FAM53B: variants seen among roughly 807,000 people sequenced by gnomAD.
FAM53B encodes the protein protein FAM53B.
Under a neutral mutation model 32.7 loss-of-function variants are expected in FAM53B, and 12 were observed. That is an observed-to-expected ratio of 0.37 (90% CI 0.24 to 0.59). The LOEUF is 0.59. Ranked by LOEUF, FAM53B falls within the 20% of genes least tolerant of loss-of-function variation. FAM53B has a pLI of 0.72. For synonymous variants in FAM53B, 234 were observed against 228.7 expected (o/e 1.02, Z -0.21); for missense variants, 477 against 577.7 (o/e 0.83, Z 1.79).
chr10:124,681,458 C>A, intron 4 of FAM53B, 149 bp downstream of exon 4: 2 of 699,990 alleles, frequency 2.9e-6, no homozygotes, highest in Non-Finnish European at 4.7e-6. Flanking sequence ...TGGAAATAAT[C>A]TTTCTTTGAA....
At chr10:124,684,715 C>T (rs1380179671) in intron 3 of FAM53B, among the ~76,000 whole-genome samples, 2 of 152,096 alleles carry the variant, frequency 1.3e-5, no homozygotes, top group African/African-American at 4.8e-5. Context: ...CATGGGGTTT[C>T]ACCATGTTGG....
intron 3 of FAM53B, among the ~76,000 whole-genome samples, chr10:124,686,298 GAA>G (rs1781559567): frequency 6.6e-6 from 1 of 152,208 alleles, no homozygotes; most frequent in Admixed American, 6.5e-5. Context: ...GCTGGGTGAT[GAA>G]TTCCTACAGG....
intron 4 of FAM53B, among the ~76,000 whole-genome samples, chr10:124,676,970 T>C (rs1003803287): frequency 6.6e-6 from 1 of 152,198 alleles, no homozygotes; most frequent in African/African-American, 2.4e-5. Context: ...ATCAAACCTC[T>C]GTTTCGACAT....
chr10:124,672,847 G>A (rs1052833922), intron 4 of FAM53B, among the ~76,000 whole-genome samples: 2 of 152,208 alleles, frequency 1.3e-5, no homozygotes, highest in Non-Finnish European at 2.9e-5. Context: ...CAGTCCCATA[G>A]ATACCTTCAT....
At chr10:124,660,222 T>A (rs1218953317) in intron 4 of FAM53B, among the ~76,000 whole-genome samples, 1 of 152,104 alleles carries the variant, frequency 6.6e-6, no homozygotes, top group African/African-American at 2.4e-5. Flanking sequence ...CCAAAATGCT[T>A]CAGGAGACAG....
At chr10:124,732,349 C>T (rs1950149008) in intron 1 of FAM53B, among the ~76,000 whole-genome samples, 1 of 152,182 alleles carries the variant, frequency 6.6e-6, no homozygotes, top group African/African-American at 2.4e-5. Context: ...CAGGATCAGC[C>T]ACGCTCAGTC....
At chr10:124,719,578 G>C (rs554321440) in intron 1 of FAM53B, among the ~76,000 whole-genome samples, 1 of 152,278 alleles carries the variant, frequency 6.6e-6, no homozygotes, top group South Asian at 2.1e-4. Flanking sequence ...TTTGTCCGCA[G>C]CACACCCCAA....
intron 4 of FAM53B, among the ~76,000 whole-genome samples, chr10:124,629,111 T>C (rs1372887241): frequency 1.3e-5 from 2 of 152,254 alleles, no homozygotes; most frequent in East Asian, 3.9e-4. Context: ...AGAACGGGAA[T>C]GTCAAGCCAT....
At chr10:124,664,536 C>T (rs1170657199) in intron 4 of FAM53B, among the ~76,000 whole-genome samples, 1 of 152,216 alleles carries the variant, frequency 6.6e-6, no homozygotes. Context: ...CTTCAAAACC[C>T]GCAGGGCTAC....
intron 4 of FAM53B, among the ~76,000 whole-genome samples, chr10:124,655,053 G>A (rs1032822856): frequency 3.9e-5 from 6 of 152,172 alleles, no homozygotes; most frequent in South Asian, 4.1e-4. Context: ...GGACAATCCC[G>A]TTTTAGATGA....
chr10:124,637,562 C>A (rs1000179733), intron 4 of FAM53B, among the ~76,000 whole-genome samples: 3 of 152,170 alleles, frequency 2.0e-5, no homozygotes, highest in Non-Finnish European at 2.9e-5. Context: ...AGCTCCAGAC[C>A]CAATGGGCAT....
intron 2 of FAM53B, among the ~76,000 whole-genome samples, chr10:124,696,943 G>T (rs1949877016): frequency 6.6e-6 from 1 of 152,112 alleles, no homozygotes; most frequent in African/African-American, 2.4e-5. Flanking sequence ...GAATGCTATG[G>T]CCACCAGGCA....
At chr10:124,676,553 C>A (rs1435920877) in intron 4 of FAM53B, among the ~76,000 whole-genome samples, 1 of 152,172 alleles carries the variant, frequency 6.6e-6, no homozygotes, top group Non-Finnish European at 1.5e-5. Context: ...CCATGGCGAC[C>A]AACAAGGGCC....
At chr10:124,648,000 A>G (rs2134048804) in intron 4 of FAM53B, among the ~76,000 whole-genome samples, 1 of 152,338 alleles carries the variant, frequency 6.6e-6, no homozygotes, top group East Asian at 1.9e-4. Flanking sequence ...GAGAGTCAAC[A>G]GGAAATGCAC....
At chr10:124,675,214 C>T (rs752200470) in intron 4 of FAM53B, among the ~76,000 whole-genome samples, 1 of 152,090 alleles carries the variant, frequency 6.6e-6, no homozygotes, top group African/African-American at 2.4e-5. Flanking sequence ...CGAGATCTCA[C>T]CACTGCACTC....
chr10:124,736,324 G>C (rs1476603549), intron 1 of FAM53B, among the ~76,000 whole-genome samples: 1 of 152,248 alleles, frequency 6.6e-6, no homozygotes, highest in Non-Finnish European at 1.5e-5. Flanking sequence ...ACAGGGGAGA[G>C]CGGTTCCTAC....
At chr10:124,710,192 C>G (rs1456535199) in intron 1 of FAM53B, among the ~76,000 whole-genome samples, 6 of 152,224 alleles carry the variant, frequency 3.9e-5, no homozygotes, top group Admixed American at 2.6e-4. Flanking sequence ...GCTCTGAATG[C>G]CATACTCAAT....
rs371408702 is a variant in FAM53B at position 124,733,924 on chromosome 10, T to C, written c.-175+10089A>G. ...TCACTCAGGCTCCAGGTCTCCCAGA[T>C]TCCCTGACACAGTCCCATGGTGCTG... On this transcript the variant is annotated intron_variant, in intron 1 of 4. Transcript: ENST00000337318. The surrounding 1 kb of genome is among the most constrained non-coding windows in gnomAD (Gnocchi z 4.3). Among the ~76,000 whole-genome samples the C allele has an allele frequency of 5.5e-4, 84 of 152,348 alleles. No homozygotes were observed. In the East Asian group the frequency reaches 0.014, roughly 25 times the overall value.
intron 1 of FAM53B, among the ~76,000 whole-genome samples, chr10:124,737,577 C>A (rs1053848450): frequency 6.6e-6 from 1 of 152,126 alleles, no homozygotes; most frequent in Non-Finnish European, 1.5e-5. Context: ...CAACTGGCTA[C>A]GGGACCCTGG....
Sources: allele counts gnomAD v4.1 joint callset (sites outside exome capture counted in the v4.1 genomes callset), GRCh38; gene constraint gnomAD v4.1.1; non-coding constraint Gnocchi (gnomAD v3.1); transcripts MANE v1.5; gene names NCBI Gene and HGNC (gene_info 2026-07-23, HGNC 2026-07-21).